The following IL7R variants were observed in gnomAD, a reference collection of about 807,000 sequenced individuals.
The protein encoded by IL7R is interleukin 7 receptor, also known as interleukin-7 receptor subunit alpha.
A neutral mutation model predicts 47.0 loss-of-function variants in IL7R; 38 were observed. The observed-to-expected ratio is 0.81, with a 90% CI of 0.62 to 1.06. The LOEUF is 1.06. Ranked by LOEUF, IL7R falls within the 50% of genes least tolerant of loss-of-function variation. The pLI is 0.00. For synonymous variants in IL7R, 221 were observed against 199.8 expected (o/e 1.11, Z -0.89); for missense variants, 633 against 534.8 (o/e 1.18, Z -1.81).
chr5:35,869,430 T>A (rs186448919), intron 3 of IL7R, among the ~76,000 whole-genome samples: 45 of 152,302 alleles, frequency 3.0e-4, no homozygotes, highest in African/African-American at 9.9e-4. Context: ...CCAGCCGTTG[T>A]GATATGTAAC....
intron 3 of IL7R, among the ~76,000 whole-genome samples, chr5:35,870,060 G>T (rs1240400872): frequency 6.6e-6 from 1 of 152,074 alleles, no homozygotes; most frequent in Non-Finnish European, 1.5e-5. Context: ...TGATGAACCC[G>T]CATCTTCTTG....
intron 2 of IL7R, among the ~76,000 whole-genome samples, chr5:35,865,810 T>C (rs987227650): frequency 6.6e-6 from 1 of 152,092 alleles, no homozygotes; most frequent in Admixed American, 6.6e-5. Context: ...GAACAGACAC[T>C]TCTCAAAAGA....
At chr5:35,861,530 T>A (rs1485411879) in intron 2 of IL7R, among the ~76,000 whole-genome samples, 1 of 152,002 alleles carries the variant, frequency 6.6e-6, no homozygotes, top group African/African-American at 2.4e-5. Context: ...AGTCGGCCAG[T>A]GAATAACGAG....
chr5:35,857,147 G>T, intron 1 of IL7R, 88 bp downstream of exon 1: 1 of 841,310 alleles, frequency 1.2e-6, no homozygotes, highest in Non-Finnish European at 2.1e-6. Context: ...CCTGAGTCAG[G>T]CACTGGGTTT....
chr5:35,870,595 G>A (rs1491004078), intron 3 of IL7R, among the ~76,000 whole-genome samples: 2 of 152,234 alleles, frequency 1.3e-5, no homozygotes, highest in Non-Finnish European at 2.9e-5. Context: ...ACTAGCTGCT[G>A]TAACAAATAA....
intron 3 of IL7R, among the ~76,000 whole-genome samples, chr5:35,868,013 C>T (rs539602511): frequency 3.9e-5 from 6 of 152,226 alleles, no homozygotes; most frequent in African/African-American, 1.2e-4. Context: ...AACTGGCAAT[C>T]GCAAAAATCC....
At chr5:35,863,588 G>A (rs1220582036) in intron 2 of IL7R, among the ~76,000 whole-genome samples, 2 of 152,132 alleles carry the variant, frequency 1.3e-5, no homozygotes, top group Non-Finnish European at 2.9e-5. Flanking sequence ...ATCGGTTAAT[G>A]GAAAGAATTC....
intron 2 of IL7R, among the ~76,000 whole-genome samples, chr5:35,866,702 CTTA>C (rs1283476888): frequency 3.9e-5 from 6 of 151,912 alleles, no homozygotes; most frequent in Admixed American, 6.6e-5. Flanking sequence ...TTAAAATTTC[CTTA>C]TTATACTTTT....
At chr5:35,873,228 C>G (rs1045908657) in intron 4 of IL7R, 1 of 527,792 alleles carries the variant, frequency 1.9e-6, no homozygotes, top group African/African-American at 1.9e-5. Context: ...CTGGGCAGTG[C>G]CTAACTCACC....
intron 4 of IL7R, among the ~76,000 whole-genome samples, chr5:35,872,855 TA>T (rs1190219755): frequency 6.6e-6 from 1 of 151,650 alleles, no homozygotes; most frequent in Non-Finnish European, 1.5e-5. Flanking sequence ...TATAAATCAT[TA>T]AAAAAACAAA....
At chr5:35,860,809 A>T in intron 1 of IL7R, 43 bp from the exon 2 acceptor site, 1 of 1,603,818 alleles carries the variant, frequency 6.2e-7, no homozygotes, top group Non-Finnish European at 8.5e-7. Flanking sequence ...AAAAGGATGC[A>T]TTTATTTGTT....
rs1056388055 is a variant in IL7R, at chr5:35,878,767, C to T, written c.*2281C>T. 3 of 232,736 alleles carry T rather than the reference C, an allele frequency of 1.3e-5. No individual in the cohort carries two copies. The highest frequency in any genetic ancestry group is 1.7e-5 in the Non-Finnish European group (2 of 117,852). 14.4% of individuals were successfully genotyped at this position (232,736 alleles called of 1,614,324 possible). ...GACAGGTAAATTACCCAACCTCACA[C>T]GTTAAGTCAGAACTGGGAGCCATAA... is the stretch of plus-strand genomic sequence containing the variant. On this transcript the variant is annotated 3_prime_UTR_variant, in exon 8 of 8. Coordinates refer to ENST00000303115, the MANE Select transcript of IL7R (RefSeq NM_002185.5).
At chr5:35,875,293 G>A in intron 6 of IL7R, 1 of 598,306 alleles carries the variant, frequency 1.7e-6, no homozygotes, top group Non-Finnish European at 3.0e-6. Context: ...TTCACAGAAT[G>A]GATTGATATC....
chr5:35,878,242 T>C lies in IL7R; in HGVS notation c.*1756T>C. 2 of 233,226 alleles carry C rather than the reference T, an allele frequency of 8.6e-6. No individual in the cohort carries two copies. The highest frequency in any genetic ancestry group is 1.7e-5 in the Non-Finnish European group (2 of 118,034). The allele number at this position is 233,226 out of a possible 1,614,324, so 14.4% of individuals were successfully genotyped here. A position where few individuals can be genotyped will look rare whatever the true frequency, so the allele number is the denominator to read the frequency against. On this transcript the variant is annotated 3_prime_UTR_variant, in exon 8 of 8. Coordinates refer to ENST00000303115, the MANE Select transcript of IL7R (RefSeq NM_002185.5). ...AAATACAATGCCATAATCCCTTAGG[T>C]TTGCCTAGTGCTTTTGCAATTTTCA...
chr5:35,873,414 G>T, intron 4 of IL7R, 66 bp from the exon 5 acceptor site: 4 of 1,294,220 alleles, frequency 3.1e-6, no homozygotes, highest in South Asian at 2.4e-5. Context: ...CAATTGAAAT[G>T]ATTTGGGAGA....
Position 35,877,078 on chromosome 5 carries a change from C to T in IL7R, c.*592C>T, listed in dbSNP as rs1014051312. 3 of 236,346 alleles carry T rather than the reference C, an allele frequency of 1.3e-5. No homozygotes were observed. The highest frequency in any genetic ancestry group is 4.4e-5 in the African/African-American group (2 of 45,342). The allele number at this position is 236,346 out of a possible 1,614,324, so 14.6% of individuals were successfully genotyped here. A position where few individuals can be genotyped will look rare whatever the true frequency, so the allele number is the denominator to read the frequency against. On this transcript the variant is annotated 3_prime_UTR_variant, in exon 8 of 8. Transcript: ENST00000303115. ...TGGCTGGGAGTCTAATTGCAGTTCC[C>T]TGAGCCATGTGCCTTTCTCTTCACT...
At chr5:35,873,014 T>C (rs2149902927) in intron 4 of IL7R, among the ~76,000 whole-genome samples, 1 of 145,568 alleles carries the variant, frequency 6.9e-6, no homozygotes, top group African/African-American at 2.4e-5. Flanking sequence ...GTCAAATTGA[T>C]AGAGTGGTTT....
At position 35,878,309 on chromosome 5, in the gene IL7R, T is replaced by C. The variant is rs1047329536; in HGVS notation, c.*1823T>C. 3.0e-5 allele frequency: 7 copies of C among 233,178 alleles called. No homozygotes were observed. The highest frequency in any genetic ancestry group is 5.9e-5 in the Non-Finnish European group (7 of 118,048). The allele number at this position is 233,178 out of a possible 1,614,324, so 14.4% of individuals were successfully genotyped here. A position where few individuals can be genotyped will look rare whatever the true frequency, so the allele number is the denominator to read the frequency against. On this transcript the variant is annotated 3_prime_UTR_variant, in exon 8 of 8. Transcript: ENST00000303115. ...ATTCCTTCCACCTCCTTGATAGGCA[T>C]TTATGGAAAGCCTGCTACATGTCAA... is the stretch of plus-strand genomic sequence containing the variant.
chr5:35,859,819 T>C (rs1759753207), intron 1 of IL7R, among the ~76,000 whole-genome samples: 1 of 152,178 alleles, frequency 6.6e-6, no homozygotes, highest in Non-Finnish European at 1.5e-5. Context: ...ATCTAATTTC[T>C]AGTACTGATG....
Sources: gnomAD v4.1 joint callset for allele counts (sites outside exome capture counted in the v4.1 genomes callset) on GRCh38, gnomAD v4.1.1 for gene constraint, MANE v1.5 for transcripts, NCBI Gene and HGNC (gene_info 2026-07-23, HGNC 2026-07-21) for gene names.